DLG2: variants seen among roughly 807,000 people sequenced by gnomAD.
The protein encoded by DLG2 is disks large homolog 2.
A neutral mutation model predicts 132.5 loss-of-function variants in DLG2; 45 were observed. The ratio of observed to expected loss-of-function variants is 0.34; its 90% CI spans 0.27 to 0.44. The LOEUF (loss-of-function observed/expected upper bound fraction) is 0.44. Ranked by LOEUF, DLG2 falls within the 20% of genes least tolerant of loss-of-function variation. The pLI is 1.00. For synonymous variants in DLG2, 424 were observed against 419.6 expected, an observed-to-expected ratio of 1.01 and a Z score of -0.13; for missense variants, 1,045 against 1,196.9, an observed-to-expected ratio of 0.87 and a Z score of 1.87.
At chr11:85,089,042 G>A (rs2068358605) in intron 6 of DLG2, among the ~76,000 whole-genome samples, 1 of 152,150 alleles carries the variant, frequency 6.6e-6, no homozygotes. Context: ...TGTGAGTGTT[G>A]CGAGCAGAGC....
intron 6 of DLG2, among the ~76,000 whole-genome samples, chr11:85,022,465 A>G (rs1173886667): frequency 2.0e-5 from 3 of 152,098 alleles, no homozygotes; most frequent in Non-Finnish European, 4.4e-5. Context: ...TATATATGTT[A>G]CTCTGGATTA....
At chr11:84,739,878 C>T (rs1345869756) in intron 6 of DLG2, among the ~76,000 whole-genome samples, 2 of 151,758 alleles carry the variant, frequency 1.3e-5, no homozygotes, top group African/African-American at 4.8e-5. Context: ...CCCTGTGATC[C>T]CAAAGTTTAA....
intron 6 of DLG2, among the ~76,000 whole-genome samples, chr11:84,866,394 G>A (rs764784483): frequency 6.6e-6 from 1 of 152,206 alleles, no homozygotes; most frequent in Non-Finnish European, 1.5e-5. Flanking sequence ...AAAGCTTGTA[G>A]TAAGATTTCA....
intron 6 of DLG2, among the ~76,000 whole-genome samples, chr11:84,779,938 A>C (rs1329940762): frequency 6.6e-6 from 1 of 151,902 alleles, no homozygotes; most frequent in East Asian, 1.9e-4. Flanking sequence ...TGTGATATTC[A>C]CAACCAAATT....
At chr11:84,172,060 T>C (rs758114917) in intron 8 of DLG2, among the ~76,000 whole-genome samples, 9 of 152,208 alleles carry the variant, frequency 5.9e-5, no homozygotes, top group Non-Finnish European at 1.5e-5. Flanking sequence ...ACTTACAAGC[T>C]GTTAGAATTC....
intron 6 of DLG2, among the ~76,000 whole-genome samples, chr11:84,966,819 AGAAATAATTTTAAAGATTCTGAAAGTAT>A (rs2053416374): frequency 6.6e-6 from 1 of 152,176 alleles, no homozygotes; most frequent in Non-Finnish European, 1.5e-5. Context: ...ACGGGAAAAC[AGAAATAATTTTAAAGATTCTGAAAGTAT>A]GGGGCGTTGG....
intron 16 of DLG2, among the ~76,000 whole-genome samples, chr11:83,837,723 CAAAAAAAAA>C (rs386374350): frequency 4.4e-5 from 2 of 45,948 alleles, no homozygotes; most frequent in Non-Finnish European, 7.1e-5. Flanking sequence ...ACATAGCAAG[CAAAAAAAAA>C]AAAAAAAAAA....
intron 19 of DLG2, among the ~76,000 whole-genome samples, chr11:83,582,728 G>A (rs1206406315): frequency 6.6e-6 from 1 of 152,186 alleles, no homozygotes; most frequent in Non-Finnish European, 1.5e-5. Context: ...TTCTTCAAGG[G>A]AAGATTAGAT....
chr11:84,654,132 C>T (rs921834952), intron 6 of DLG2, among the ~76,000 whole-genome samples: 3 of 152,140 alleles, frequency 2.0e-5, no homozygotes, highest in Non-Finnish European at 4.4e-5. Flanking sequence ...TCTGAAGATC[C>T]AAAAGCTTTC....
At chr11:84,020,145 T>C (rs961772389) in intron 11 of DLG2, among the ~76,000 whole-genome samples, 1 of 152,034 alleles carries the variant, frequency 6.6e-6, no homozygotes, top group African/African-American at 2.4e-5. Flanking sequence ...GAACTCTAAA[T>C]TGGGATATTA....
At chr11:85,131,027 G>T (rs2075665294) in intron 5 of DLG2, among the ~76,000 whole-genome samples, 1 of 151,834 alleles carries the variant, frequency 6.6e-6, no homozygotes, top group African/African-American at 2.4e-5. Context: ...TTTCATGTGG[G>T]TCTGTGTTTT....
chr11:84,506,014 C>A (rs2099238450), intron 7 of DLG2, among the ~76,000 whole-genome samples: 1 of 151,418 alleles, frequency 6.6e-6, no homozygotes, highest in Admixed American at 6.6e-5. Flanking sequence ...AAATTAAGGA[C>A]CTTGAGATGG....
intron 6 of DLG2, among the ~76,000 whole-genome samples, chr11:85,030,705 A>C (rs2060928491): frequency 6.6e-6 from 1 of 152,088 alleles, no homozygotes; most frequent in Admixed American, 6.5e-5. Context: ...TAATCATGAA[A>C]TTTTTGGTAT....
At chr11:84,492,803 C>T (rs2099168818) in intron 7 of DLG2, among the ~76,000 whole-genome samples, 1 of 152,042 alleles carries the variant, frequency 6.6e-6, no homozygotes, top group South Asian at 2.1e-4. Context: ...TTGAGAAGTA[C>T]TGTTTTAAAT....
chr11:84,841,127 C>T (rs2080615441), intron 6 of DLG2, among the ~76,000 whole-genome samples: 1 of 151,412 alleles, frequency 6.6e-6, no homozygotes, highest in Admixed American at 6.6e-5. Context: ...CACATGACAC[C>T]ATTTATGTAA....
intron 3 of DLG2, among the ~76,000 whole-genome samples, chr11:85,405,982 G>GA (rs1337224550): frequency 1.3e-5 from 2 of 151,836 alleles, no homozygotes; most frequent in Non-Finnish European, 2.9e-5. Context: ...TTTCATGGAG[G>GA]AAAAAACTAA....
intron 8 of DLG2, among the ~76,000 whole-genome samples, chr11:84,184,384 G>A (rs954492617): frequency 6.6e-6 from 1 of 151,976 alleles, no homozygotes; most frequent in Non-Finnish European, 1.5e-5. Context: ...CTTTTGAGAA[G>A]TGTCTGTTCA....
chr11:85,049,131 A>G (rs2062643019), intron 6 of DLG2, among the ~76,000 whole-genome samples: 1 of 152,058 alleles, frequency 6.6e-6, no homozygotes, highest in African/African-American at 2.4e-5. Context: ...AATCTGCTGC[A>G]CATAAAAACT....
chr11:84,840,203 A>G (rs1031771571), intron 6 of DLG2, among the ~76,000 whole-genome samples: 1 of 152,206 alleles, frequency 6.6e-6, no homozygotes, highest in African/African-American at 2.4e-5. Flanking sequence ...GCTTCTCAAA[A>G]GAAGACGTTT....
Sources: allele counts gnomAD v4.1 joint callset (sites outside exome capture counted in the v4.1 genomes callset), GRCh38; gene constraint gnomAD v4.1.1; transcripts MANE v1.5; gene names NCBI Gene and HGNC (gene_info 2026-07-23, HGNC 2026-07-21).